NPTN: variants seen among roughly 807,000 people sequenced by gnomAD.
NPTN encodes neuroplastin, also known as SDR-1.
Under a neutral mutation model 42.7 loss-of-function variants are expected in NPTN, and 5 were observed. The observed-to-expected ratio is 0.12, with a 90% CI of 0.06 to 0.25. The LOEUF (loss-of-function observed/expected upper bound fraction) is 0.25. Among genes scored for constraint, NPTN ranks in the 10% least tolerant of loss-of-function variants. The pLI, the probability that NPTN is intolerant of heterozygous loss-of-function variation, is 1.00. For synonymous variants in NPTN, 180 were observed against 201.9 expected (o/e 0.89, Z 0.92); for missense variants, 307 against 525.4 (o/e 0.58, Z 4.06).
At chr15:73,565,755 TGA>T (rs1566956347) in intron 6 of NPTN, 3 of 456,368 alleles carry the variant, frequency 6.6e-6, no homozygotes, top group African/African-American at 4.0e-5. Context: ...ATCCACCTTA[TGA>T]GAGTGAAGTT....
chr15:73,597,398 G>A lies in NPTN; in HGVS notation c.92-29C>T. On this transcript the variant is annotated intron_variant, in intron 1 of 8. Transcript: ENST00000345330. The surrounding 1 kb of genome is among the most constrained non-coding windows in gnomAD (Gnocchi z 6.3). ...GAGGGAGGGGGAGCAGGAATGCAGT[G>A]ACAGGCCAATCAGAAAAAAAAAAAA... 6.7e-7 allele frequency: 1 copy of A among 1,488,632 alleles called. No individual in the cohort carries two copies. The highest frequency in any genetic ancestry group is 9.2e-7 in the Non-Finnish European group (1 of 1,084,458). The allele number at this position is 1,488,632 out of a possible 1,614,324, so 92.2% of individuals were successfully genotyped here.
At chr15:73,573,609 C>A in intron 5 of NPTN, 53 bp downstream of exon 5, 2 of 1,511,068 alleles carry the variant, frequency 1.3e-6, no homozygotes, top group Non-Finnish European at 8.8e-7. Context: ...CGTGTCTGGA[C>A]CTCTGCAGGG....
intron 2 of NPTN, among the ~76,000 whole-genome samples, chr15:73,594,700 G>A (rs1174112984): frequency 6.6e-6 from 1 of 152,148 alleles, no homozygotes; most frequent in South Asian, 2.1e-4. Flanking sequence ...TGCCACTGAT[G>A]TCTATTTAAA....
At chr15:73,613,296 T>C (rs1289504860) in intron 1 of NPTN, among the ~76,000 whole-genome samples, 1 of 152,200 alleles carries the variant, frequency 6.6e-6, no homozygotes, top group East Asian at 1.9e-4. Flanking sequence ...CCTATTTTAT[T>C]TTTATCTATT....
intron 1 of NPTN, among the ~76,000 whole-genome samples, chr15:73,624,512 CT>C (rs968820319): frequency 2.6e-5 from 4 of 152,194 alleles, no homozygotes; most frequent in Non-Finnish European, 5.9e-5. Flanking sequence ...TAACACATTC[CT>C]TCAATCTATG....
chr15:73,589,238 G>A (rs1420484663), intron 3 of NPTN, among the ~76,000 whole-genome samples: 2 of 152,018 alleles, frequency 1.3e-5, no homozygotes, highest in East Asian at 1.9e-4. Context: ...GCTACGAGGT[G>A]GGAGGATCAC....
At chr15:73,622,662 CTAACCTA>C (rs1290210744) in intron 1 of NPTN, among the ~76,000 whole-genome samples, 1 of 152,140 alleles carries the variant, frequency 6.6e-6, no homozygotes, top group African/African-American at 2.4e-5. Context: ...CAATGCTACT[CTAACCTA>C]TATTTTCTCA....
intron 4 of NPTN, among the ~76,000 whole-genome samples, chr15:73,578,759 C>T (rs753876586): frequency 5.9e-5 from 9 of 151,950 alleles, no homozygotes; most frequent in East Asian, 1.9e-4. Flanking sequence ...TTTGGGAGGC[C>T]GAGGTGGGCG....
At chr15:73,573,362 T>C (rs1595902287) in intron 5 of NPTN, among the ~76,000 whole-genome samples, 1 of 152,278 alleles carries the variant, frequency 6.6e-6, no homozygotes, top group South Asian at 2.1e-4. Context: ...TAAACCTTTT[T>C]TCTTTATAAA....
chr15:73,571,813 A>G (rs1435087952), intron 5 of NPTN, among the ~76,000 whole-genome samples: 3 of 152,216 alleles, frequency 2.0e-5, no homozygotes, highest in Middle Eastern at 3.2e-3. Context: ...GATATGGCAT[A>G]CAATCTTGTC....
chr15:73,576,393 A>T (rs1046044826), intron 4 of NPTN, among the ~76,000 whole-genome samples: 7 of 152,052 alleles, frequency 4.6e-5, no homozygotes, highest in Admixed American at 2.0e-4. Flanking sequence ...CAGTGGTGTG[A>T]TCTTGGTTCA....
chr15:73,624,604 A>C (rs1452250113), intron 1 of NPTN, among the ~76,000 whole-genome samples: 1 of 152,128 alleles, frequency 6.6e-6, no homozygotes, highest in Non-Finnish European at 1.5e-5. Context: ...GCAGTGTCTA[A>C]AAACTAGGAA....
intron 1 of NPTN, among the ~76,000 whole-genome samples, chr15:73,601,848 G>A (rs567661631): frequency 1.3e-5 from 2 of 152,330 alleles, no homozygotes; most frequent in South Asian, 4.1e-4. Context: ...ACTAGAAGCT[G>A]ATGCTGGAGG....
At chr15:73,591,252 C>T (rs1251438279) in intron 3 of NPTN, among the ~76,000 whole-genome samples, 1 of 152,162 alleles carries the variant, frequency 6.6e-6, no homozygotes, top group East Asian at 1.9e-4. Context: ...CCTCAGTGCT[C>T]TCTTTCTTTG....
chr15:73,633,358 T>G lies in NPTN; in HGVS notation c.-143A>C, dbSNP rs1898876825. On this transcript the variant is annotated 5_prime_UTR_variant, in exon 1 of 9. Transcript: ENST00000345330. Reference sequence around the variant, plus strand: ...CGCGGCTCGGCTCCGTCCTTCCCCGTCCTCCTCCTGCCGCCGCAGCGCCCA... The same window carrying G: ...CGCGGCTCGGCTCCGTCCTTCCCCGGCCTCCTCCTGCCGCCGCAGCGCCCA... 1.8e-6 allele frequency: 1 copy of G among 552,736 alleles called. No homozygotes were observed. The highest frequency in any genetic ancestry group is 4.4e-5 in the Admixed American group (1 of 22,812). The allele number at this position is 552,736 out of a possible 1,614,324, so 34.2% of individuals were successfully genotyped here.
At position 73,560,676 on chromosome 15, in the gene NPTN, C is replaced by CT. The variant is rs1894609701; in HGVS notation, c.*386dup. 1 of 150,704 alleles carries CT rather than the reference C, an allele frequency of 6.6e-6. No individual in the cohort carries two copies. Among genetic ancestry groups the CT allele is most frequent in the Non-Finnish European group, 1.5e-5 (1 of 67,790 alleles). The allele number at this position is 150,704 out of a possible 1,614,324, so 9.3% of individuals were successfully genotyped here. ...GTATATATCTGTAGGTTTTGCTGTA[C>CT]TTTACAAAAGTGTATCACTAGATGG... On this transcript the variant is annotated 3_prime_UTR_variant, in exon 9 of 9. Transcript: ENST00000345330.
chr15:73,618,977 T>G lies in NPTN; in HGVS notation c.91+14148A>C, dbSNP rs1897995361. 2.0e-5 allele frequency among the ~76,000 whole-genome samples: 3 copies of G among 151,282 alleles called. No homozygotes were observed. In the South Asian group the frequency reaches 6.3e-4, roughly 32 times the overall value. ...AGGACACTGAGACAGGACGATTGCT[T>G]GAGCCTGGGAAGTCGAGGCTGCAGT... is the stretch of plus-strand genomic sequence containing the variant. On this transcript the variant is annotated intron_variant, in intron 1 of 8. Transcript: ENST00000345330.
intron 2 of NPTN, among the ~76,000 whole-genome samples, chr15:73,594,249 AAG>A (rs1896729582): frequency 6.6e-6 from 1 of 152,210 alleles, no homozygotes; most frequent in Non-Finnish European, 1.5e-5. Context: ...GAATGAGGCC[AAG>A]AGCTTCCAGA....
chr15:73,633,177 C>G lies in NPTN; in HGVS notation c.39G>C (p.Ser13=), dbSNP rs376609775. Residue 13 remains serine (S), a synonymous_variant, in exon 1 of 9, where the codon TCG becomes TCC. Coordinates refer to ENST00000345330, the MANE Select transcript of NPTN (RefSeq NM_012428.4). ...GSSLPSALAL[S]LLLVSGSLLP... ...GGAGGGAGCCAGAGACCAGCAACAG[C>G]GAGAGGGCCAGGGCGCTGGGCAGCG... 52 of 1,520,020 alleles carry G rather than the reference C, an allele frequency of 3.4e-5. No individual in the cohort carries two copies. The highest frequency in any genetic ancestry group is 4.6e-5 in the Non-Finnish European group (52 of 1,140,572). 94.2% of individuals were successfully genotyped at this position (1,520,020 alleles called of 1,614,324 possible).
Sources: allele counts gnomAD v4.1 joint callset (sites outside exome capture counted in the v4.1 genomes callset), GRCh38; gene constraint gnomAD v4.1.1; non-coding constraint Gnocchi (gnomAD v3.1); transcripts MANE v1.5; gene names NCBI Gene and HGNC (gene_info 2026-07-23, HGNC 2026-07-21).